The following MANEA variants were observed in gnomAD, a reference collection of about 807,000 sequenced individuals.
The protein encoded by MANEA is glycoprotein endo-alpha-1,2-mannosidase.
A neutral mutation model predicts 36.8 loss-of-function variants in MANEA; 25 were observed. That is an observed-to-expected ratio of 0.68 (90% CI 0.50 to 0.95). The LOEUF is 0.95. Among genes scored for constraint, MANEA ranks in the 40% least tolerant of loss-of-function variants. The probability of loss-of-function intolerance (pLI) is 0.00; values close to 1 mark genes in which losing one functional copy is unlikely to be tolerated. For missense variants in MANEA, 565 were observed against 558.8 expected (o/e 1.01, Z -0.11); for synonymous variants, 198 against 188.5 (o/e 1.05, Z -0.41).
At position 95,603,052 on chromosome 6, in the gene MANEA, A is replaced by AAAAAAAC. The variant is rs539732085; in HGVS notation, c.655-1775_655-1774insAAAAAAC. Among the ~76,000 whole-genome samples, 4 of 139,358 alleles carry AAAAAAAC rather than the reference A, an allele frequency of 2.9e-5. No homozygotes were observed. The East Asian group carries it at 9.6e-4, about 33-fold the overall frequency. The allele number at this position is 139,358 out of a possible 152,430, so 91.4% of individuals were successfully genotyped here. On this transcript the variant is annotated intron_variant, in intron 3 of 4. Coordinates refer to ENST00000358812, the MANE Select transcript of MANEA (RefSeq NM_024641.4). ...AAAAAAAAAAAAAAAAAAAAAAAAA[A>AAAAAAAC]TTGCAAAGTAATTTTATTATAATTA...
intron 2 of MANEA, among the ~76,000 whole-genome samples, chr6:95,590,762 A>G (rs542995547): frequency 5.3e-5 from 8 of 152,330 alleles, no homozygotes; most frequent in African/African-American, 1.4e-4. Context: ...GAGACAGTCT[A>G]CTTGCAAATA....
Position 95,606,419 on chromosome 6 carries a change from G to A in MANEA, c.*14G>A. 2 of 1,533,090 alleles carry A rather than the reference G, an allele frequency of 1.3e-6. No individual in the cohort carries two copies. Among genetic ancestry groups the A allele is most frequent in the Non-Finnish European group, 1.7e-6 (2 of 1,148,306 alleles). 95.0% of individuals were successfully genotyped at this position (1,533,090 alleles called of 1,614,324 possible). A position where few individuals can be genotyped will look rare whatever the true frequency, so the allele number is the denominator to read the frequency against. Reference sequence around the variant, plus strand: ...CCTGTTTCTTAATGCATTGATTAAAGTTTAATAGTTATCAAAATCACCTAA... The same window carrying A: ...CCTGTTTCTTAATGCATTGATTAAAATTTAATAGTTATCAAAATCACCTAA... On this transcript the variant is annotated 3_prime_UTR_variant, in exon 5 of 5. Transcript: ENST00000358812.
At chr6:95,589,419 G>A (rs909984958) in intron 2 of MANEA, among the ~76,000 whole-genome samples, 3 of 152,104 alleles carry the variant, frequency 2.0e-5, no homozygotes, top group South Asian at 2.1e-4. Flanking sequence ...TAATTATGCT[G>A]TTATATCGCA....
At position 95,578,033 on chromosome 6, in the gene MANEA, G is replaced by C. The variant is rs143882730; in HGVS notation, c.-39+395G>C. Among the ~76,000 whole-genome samples, 739 of 152,246 alleles carry C rather than the reference G, an allele frequency of 4.9e-3. 20 individuals carry two copies. Among genetic ancestry groups the C allele is most frequent in the Admixed American group, 0.045 (690 of 15,302 alleles). On this transcript the variant is annotated intron_variant, in intron 1 of 4. Coordinates refer to ENST00000358812, the MANE Select transcript of MANEA (RefSeq NM_024641.4). ...AAGCCTTTTTCAGCACCTTCTCCTTGTGCCCCCAGACTGCCTCTGGGCCTT... is the reference window on the plus strand; with the variant it reads ...AAGCCTTTTTCAGCACCTTCTCCTTCTGCCCCCAGACTGCCTCTGGGCCTT...
chr6:95,581,198 C>G (rs1233684148), intron 1 of MANEA, among the ~76,000 whole-genome samples: 1 of 152,168 alleles, frequency 6.6e-6, no homozygotes, highest in Non-Finnish European at 1.5e-5. Context: ...TTTTAAATCT[C>G]AATGCCCATC....
In MANEA at chr6:95,586,871, C is replaced by A; in HGVS notation, c.432C>A (p.His144Gln). ...RIAKNYPQGR[H>Q]NPPDDIGSSF... Reference sequence around the variant, plus strand: ...CCAAGAATTATCCACAAGGGAGACACAACCCTCCAGATGACATTGGCTCCA... The same window carrying A: ...CCAAGAATTATCCACAAGGGAGACAAAACCCTCCAGATGACATTGGCTCCA... The change falls in exon 2 of 5, where the codon CAC becomes CAA. Residue 144 changes from histidine to glutamine, a missense_variant. His to Gln is a conservative substitution (Grantham distance 24, BLOSUM62 0). Coordinates refer to ENST00000358812, the MANE Select transcript of MANEA (RefSeq NM_024641.4). The A allele has an allele frequency of 6.2e-7, 1 of 1,613,468 alleles. No homozygotes were observed. Among genetic ancestry groups the A allele is most frequent in the Non-Finnish European group, 8.5e-7 (1 of 1,179,452 alleles).
intron 2 of MANEA, among the ~76,000 whole-genome samples, chr6:95,591,412 T>C (rs147507159): frequency 3.0e-4 from 46 of 152,130 alleles, no homozygotes; most frequent in African/African-American, 1.1e-3. Flanking sequence ...TTCTTCTTTT[T>C]CTTCAGTCTT....
rs2127947245 is a variant in MANEA at position 95,609,379 on chromosome 6, A to C, written c.*2974A>C. On this transcript the variant is annotated 3_prime_UTR_variant, in exon 5 of 5. Coordinates refer to ENST00000358812, the MANE Select transcript of MANEA (RefSeq NM_024641.4). ...TAACTTCCTTCTGTTTTAAGATTGT[A>C]ATTAAAAATTACTATTTTGTTATAT... The C allele has an allele frequency of 6.6e-6, 1 of 151,882 alleles. No homozygotes were observed. The highest frequency in any genetic ancestry group is 1.9e-4 in the East Asian group (1 of 5,192). 9.4% of individuals were successfully genotyped at this position (151,882 alleles called of 1,614,324 possible).
At chr6:95,596,873 C>T (rs763910911) in intron 3 of MANEA, 27 bp downstream of exon 3, 1 of 1,180,620 alleles carries the variant, frequency 8.5e-7, no homozygotes, top group Admixed American at 1.8e-5. Context: ...TCAAGCTATA[C>T]ATAAGTTAAT....
In MANEA at chr6:95,580,117, A is replaced by G. The variant is rs113523724; in HGVS notation, c.-39+2479A>G. Among the ~76,000 whole-genome samples the G allele has an allele frequency of 3.5e-4, 54 of 152,222 alleles. 1 individual carries two copies. The highest frequency in any genetic ancestry group is 1.1e-3 in the African/African-American group (47 of 41,528). On this transcript the variant is annotated intron_variant, in intron 1 of 4. Coordinates refer to ENST00000358812, the MANE Select transcript of MANEA (RefSeq NM_024641.4). ...TTTATTAAATTGGATTTTTAAAATT[A>G]TTGGATCTTTACGATTCTTTATAAT...
At chr6:95,604,943 C>A in intron 4 of MANEA, 40 bp downstream of exon 4, 2 of 711,520 alleles carry the variant, frequency 2.8e-6, no homozygotes, top group Non-Finnish European at 2.2e-6. Flanking sequence ...TTATATTATC[C>A]AGTGATAATT....
chr6:95,584,875 T>A (rs1344039784), intron 1 of MANEA, among the ~76,000 whole-genome samples: 1 of 152,214 alleles, frequency 6.6e-6, no homozygotes, highest in African/African-American at 2.4e-5. Context: ...AGAAAGAACC[T>A]ACGTTGAAAT....
chr6:95,577,774 C>T (rs1769096343), intron 1 of MANEA, 136 bp downstream of exon 1: 1 of 152,390 alleles, frequency 6.6e-6, no homozygotes, highest in Non-Finnish European at 1.5e-5. Context: ...CGCCCTTTGA[C>T]CCGGCGCCCC....
intron 2 of MANEA, among the ~76,000 whole-genome samples, chr6:95,595,379 C>T (rs1044049808): frequency 2.0e-5 from 3 of 152,062 alleles, no homozygotes; most frequent in African/African-American, 7.2e-5. Context: ...AGCCAGTTTC[C>T]CTAAAGCCTC....
At chr6:95,584,521 C>G (rs1047256361) in intron 1 of MANEA, among the ~76,000 whole-genome samples, 2 of 152,148 alleles carry the variant, frequency 1.3e-5, no homozygotes, top group East Asian at 1.9e-4. Context: ...TCTCTGCTCT[C>G]GAACCCTGTT....
chr6:95,578,537 T>G (rs528873331), intron 1 of MANEA, among the ~76,000 whole-genome samples: 125 of 152,234 alleles, frequency 8.2e-4, no homozygotes, highest in Non-Finnish European at 1.4e-3. Flanking sequence ...TCACGTTGTT[T>G]GCAAATCACT....
rs754937071 is a variant in MANEA, at chr6:95,606,146, T to A, written c.1130T>A (p.Ile377Asn). ...PWNTQNTRNR[I>N]NGKYYEIGLS... The stretch of plus-strand genomic sequence containing the variant: ...AACACGCAAAACACTCGGAACCGAA[T>A]CAATGGGAAGTATTATGAAATTGGT... Residue 377 changes from isoleucine (I) to asparagine (N), a missense_variant, in exon 5 of 5, where the codon ATC becomes AAC. Coordinates refer to ENST00000358812, the MANE Select transcript of MANEA (RefSeq NM_024641.4). The A allele has an allele frequency of 6.2e-7, 1 of 1,614,004 alleles. No homozygotes were observed. Among genetic ancestry groups the A allele is most frequent in the Admixed American group, 1.7e-5 (1 of 60,008 alleles).
rs1326698294 is a variant in MANEA at position 95,608,173 on chromosome 6, TG to T, written c.*1770del. The T allele has an allele frequency of 6.6e-6, 1 of 151,868 alleles. No individual in the cohort carries two copies. Among genetic ancestry groups the T allele is most frequent in the Non-Finnish European group, 1.5e-5 (1 of 67,786 alleles). 9.4% of individuals were successfully genotyped at this position (151,868 alleles called of 1,614,324 possible). Reference sequence around the variant, plus strand: ...GTAATCACTATATAGATCCAACCTGTGGATTTTCTTCTTATGTCCATTTAAC... The same window carrying T: ...GTAATCACTATATAGATCCAACCTGTGATTTTCTTCTTATGTCCATTTAAC... On this transcript the variant is annotated 3_prime_UTR_variant, in exon 5 of 5. Coordinates refer to ENST00000358812, the MANE Select transcript of MANEA (RefSeq NM_024641.4).
chr6:95,598,037 C>G (rs1020021997), intron 3 of MANEA, among the ~76,000 whole-genome samples: 6 of 117,846 alleles, frequency 5.1e-5, no homozygotes, highest in Non-Finnish European at 7.2e-5. Flanking sequence ...TAGGAAAATA[C>G]TAAAATTAAT....
Sources: allele counts gnomAD v4.1 joint callset (sites outside exome capture counted in the v4.1 genomes callset), GRCh38; gene constraint gnomAD v4.1.1; transcripts MANE v1.5; gene names NCBI Gene and HGNC (gene_info 2026-07-23, HGNC 2026-07-21).